The following ERBB4 variants were observed in gnomAD, a reference collection of about 807,000 sequenced individuals.
ERBB4 encodes the protein erb-b2 receptor tyrosine kinase 4, also known as receptor tyrosine-protein kinase erbB-4.
In ERBB4, 42 loss-of-function variants were observed where a neutral mutation model predicts 158.0. The ratio of observed to expected loss-of-function variants is 0.27; its 90% CI spans 0.21 to 0.34. ERBB4 has a LOEUF of 0.34. ERBB4 is among the 10% of genes least tolerant of loss of function. ERBB4 has a pLI of 1.00. For synonymous variants in ERBB4, 583 were observed against 558.7 expected, an observed-to-expected ratio of 1.04 and a Z score of -0.61; for missense variants, 1,333 against 1,624.1, an observed-to-expected ratio of 0.82 and a Z score of 3.08.
chr2:211,620,392 A>G (rs7565192), intron 18 of ERBB4, among the ~76,000 whole-genome samples: 118,077 of 152,158 alleles, frequency 0.78, 48,804 homozygotes, highest in Middle Eastern at 0.91. Context: ...AAGAAAAAAA[A>G]TTCAAAAAGT....
intron 3 of ERBB4, among the ~76,000 whole-genome samples, chr2:211,851,384 C>A (rs569659476): frequency 1.3e-5 from 2 of 151,834 alleles, no homozygotes; most frequent in East Asian, 1.9e-4. Context: ...TAATCCAATT[C>A]AATCCAGAAA....
chr2:211,470,519 A>AT lies in ERBB4; in HGVS notation c.2488-39420dup, dbSNP rs199610362. Among the ~76,000 whole-genome samples the AT allele has an allele frequency of 6.5e-3, 991 of 152,118 alleles. 6 individuals are homozygous for AT. The highest frequency in any genetic ancestry group is 0.022 in the African/African-American group (927 of 41,512). On this transcript the variant is annotated intron_variant, in intron 20 of 27. Coordinates refer to ENST00000342788, the MANE Select transcript of ERBB4 (RefSeq NM_005235.3). ...AAAACTGAAATCAGCAATAGGTAGC[A>AT]TTTTTTTTACTTTCATCTATTTATT...
intron 2 of ERBB4, among the ~76,000 whole-genome samples, chr2:212,087,652 C>T (rs1052688940): frequency 2.0e-5 from 3 of 151,998 alleles, no homozygotes; most frequent in African/African-American, 7.3e-5. Flanking sequence ...AAACAGGAGG[C>T]CGGGAGACAG....
At chr2:211,696,222 T>C (rs2106013269) in intron 12 of ERBB4, among the ~76,000 whole-genome samples, 1 of 152,232 alleles carries the variant, frequency 6.6e-6, no homozygotes, top group East Asian at 1.9e-4. Context: ...GTGATTTTCC[T>C]GCCTCAGCCT....
intron 3 of ERBB4, among the ~76,000 whole-genome samples, chr2:211,885,405 A>T (rs1450384075): frequency 6.6e-6 from 1 of 152,204 alleles, no homozygotes; most frequent in Non-Finnish European, 1.5e-5. Flanking sequence ...AAGAATAAAG[A>T]AAAAGAATAA....
intron 1 of ERBB4, among the ~76,000 whole-genome samples, chr2:212,296,702 T>C (rs1380206079): frequency 1.3e-5 from 2 of 151,916 alleles, no homozygotes; most frequent in African/African-American, 2.4e-5. Flanking sequence ...GTAGACAATC[T>C]GAGGAAATCC....
At chr2:211,761,753 T>C (rs544388851) in intron 4 of ERBB4, among the ~76,000 whole-genome samples, 1 of 152,348 alleles carries the variant, frequency 6.6e-6, no homozygotes, top group African/African-American at 2.4e-5. Flanking sequence ...AAAGCTAAAA[T>C]ATTCAAAATA....
intron 20 of ERBB4, among the ~76,000 whole-genome samples, chr2:211,440,743 C>G (rs1190286815): frequency 3.3e-5 from 5 of 152,126 alleles, no homozygotes; most frequent in African/African-American, 1.2e-4. Context: ...GTTTACTTAT[C>G]TATATGTCCA....
chr2:211,511,348 T>C (rs2065880168), intron 20 of ERBB4, among the ~76,000 whole-genome samples: 1 of 152,068 alleles, frequency 6.6e-6, no homozygotes, highest in Admixed American at 6.5e-5. Context: ...TTAGTTATTA[T>C]GATTGTGTTA....
At chr2:211,905,312 C>G (rs982974148) in intron 3 of ERBB4, among the ~76,000 whole-genome samples, 1 of 151,918 alleles carries the variant, frequency 6.6e-6, no homozygotes, top group African/African-American at 2.4e-5. Context: ...TCCCCTTCTG[C>G]CTCTCTCTTC....
chr2:211,446,771 G>GT (rs896007369), intron 20 of ERBB4, among the ~76,000 whole-genome samples: 8 of 150,432 alleles, frequency 5.3e-5, no homozygotes, highest in Admixed American at 6.6e-5. Context: ...AATGAATTAG[G>GT]TTTTTTTTAA....
intron 3 of ERBB4, among the ~76,000 whole-genome samples, chr2:211,793,725 T>C (rs898303167): frequency 2.0e-5 from 3 of 151,902 alleles, no homozygotes; most frequent in African/African-American, 7.2e-5. Context: ...GATTCCTGTA[T>C]CTTTCCCAAA....
intron 2 of ERBB4, among the ~76,000 whole-genome samples, chr2:212,077,253 T>C (rs2078303215): frequency 6.6e-6 from 1 of 151,996 alleles, no homozygotes; most frequent in African/African-American, 2.4e-5. Context: ...CTTACGTATA[T>C]TCGATGACCC....
intron 1 of ERBB4, among the ~76,000 whole-genome samples, chr2:212,480,272 T>C (rs996605726): frequency 2.0e-5 from 3 of 152,146 alleles, no homozygotes; most frequent in Non-Finnish European, 4.4e-5. Flanking sequence ...ATATGTATAC[T>C]ATCAAGTACA....
At chr2:211,525,637 G>T (rs1249383093) in intron 20 of ERBB4, among the ~76,000 whole-genome samples, 15 of 152,242 alleles carry the variant, frequency 9.9e-5, no homozygotes, top group Admixed American at 3.3e-4. Flanking sequence ...CACCAAACAG[G>T]TTCTTGAAGT....
At chr2:212,261,297 GA>G (rs1466025085) in intron 1 of ERBB4, among the ~76,000 whole-genome samples, 1 of 152,158 alleles carries the variant, frequency 6.6e-6, no homozygotes, top group Non-Finnish European at 1.5e-5. Context: ...ACATTGAGAA[GA>G]AATGAGGAAT....
intron 1 of ERBB4, among the ~76,000 whole-genome samples, chr2:212,338,241 A>T (rs766695740): frequency 1.3e-5 from 2 of 151,842 alleles, no homozygotes; most frequent in South Asian, 4.1e-4. Flanking sequence ...CCTTCATTCT[A>T]TTTTCTAGCA....
intron 13 of ERBB4, among the ~76,000 whole-genome samples, chr2:211,675,260 TTGTA>T (rs1201996816): frequency 2.0e-5 from 3 of 152,134 alleles, no homozygotes; most frequent in African/African-American, 7.2e-5. Context: ...CACAGTTTTG[TTGTA>T]TGTGTTAACT....
At chr2:211,435,809 C>G (rs1025013999) in intron 20 of ERBB4, among the ~76,000 whole-genome samples, 3 of 152,224 alleles carry the variant, frequency 2.0e-5, no homozygotes, top group Non-Finnish European at 4.4e-5. Context: ...GACTGCTGAT[C>G]TAACTAATGC....
Sources: gnomAD v4.1 joint callset for allele counts (sites outside exome capture counted in the v4.1 genomes callset) on GRCh38, gnomAD v4.1.1 for gene constraint, MANE v1.5 for transcripts, NCBI Gene and HGNC (gene_info 2026-07-23, HGNC 2026-07-21) for gene names.